KLF12: variants seen among roughly 807,000 people sequenced by gnomAD.
KLF12 encodes KLF transcription factor 12, also known as Krueppel-like factor 12.
Under a neutral mutation model 37.8 loss-of-function variants are expected in KLF12, and 9 were observed. That is an observed-to-expected ratio of 0.24 (90% CI 0.14 to 0.42). The LOEUF (loss-of-function observed/expected upper bound fraction) is 0.42. Ranked by LOEUF, KLF12 falls within the 10% of genes least tolerant of loss-of-function variation. KLF12 has a pLI of 1.00. For synonymous variants in KLF12, 208 were observed against 202.1 expected (o/e 1.03, Z -0.25); for missense variants, 411 against 516.0 (o/e 0.80, Z 1.97).
At chr13:74,105,880 T>C (rs77392289) in intron 1 of KLF12, among the ~76,000 whole-genome samples, 2 of 152,162 alleles carry the variant, frequency 1.3e-5, no homozygotes, top group Non-Finnish European at 2.9e-5. Flanking sequence ...CACACCATGA[T>C]AGTATCAGGA....
At chr13:74,286,625 A>C in the KLF12 span, among the ~76,000 whole-genome samples, 1 of 152,210 alleles carries the variant, frequency 6.6e-6, no homozygotes, top group Admixed American at 6.5e-5. Context: ...CTGATAAAAT[A>C]CAAGCTGACA....
chr13:74,300,957 C>A, the KLF12 span, among the ~76,000 whole-genome samples: 1 of 152,104 alleles, frequency 6.6e-6, no homozygotes, highest in Non-Finnish European at 1.5e-5. Flanking sequence ...CTTCCTGGGA[C>A]ATCCTTTGGC....
At chr13:73,696,297 G>T (rs974473333) in intron 7 of KLF12, among the ~76,000 whole-genome samples, 7 of 152,212 alleles carry the variant, frequency 4.6e-5, no homozygotes, top group Admixed American at 2.6e-4. Flanking sequence ...CATTTTTCAG[G>T]ACTTAAGAAT....
At chr13:74,112,260 G>A (rs1038731028) in intron 1 of KLF12, among the ~76,000 whole-genome samples, 10 of 149,914 alleles carry the variant, frequency 6.7e-5, no homozygotes, top group Non-Finnish European at 1.5e-4. Context: ...TATGTGGCTA[G>A]AAAAGCCTAA....
intron 6 of KLF12, among the ~76,000 whole-genome samples, chr13:73,755,383 A>G (rs1879085851): frequency 6.6e-6 from 1 of 152,212 alleles, no homozygotes; most frequent in Non-Finnish European, 1.5e-5. Context: ...GGTAACATAC[A>G]AGTACATATT....
the KLF12 span, among the ~76,000 whole-genome samples, chr13:74,153,592 C>CT: frequency 2.8e-4 from 42 of 152,184 alleles, no homozygotes; most frequent in Non-Finnish European, 4.6e-4. Flanking sequence ...CCCTCATTGG[C>CT]TTTTACCACA....
chr13:73,735,433 C>T (rs1040739004), intron 6 of KLF12, among the ~76,000 whole-genome samples: 8 of 152,078 alleles, frequency 5.3e-5, no homozygotes, highest in African/African-American at 1.4e-4. Context: ...AGAGGGATTT[C>T]GAGGAAGATG....
intron 5 of KLF12, among the ~76,000 whole-genome samples, chr13:73,803,772 TCACACA>T (rs4053528): frequency 0.093 from 13,250 of 141,902 alleles, 647 homozygotes; most frequent in Non-Finnish European, 0.12. Flanking sequence ...TACTGCAGAG[TCACACA>T]CACACACACA....
intron 4 of KLF12, among the ~76,000 whole-genome samples, chr13:73,832,575 A>G: frequency 6.6e-6 from 1 of 152,238 alleles, no homozygotes; most frequent in Non-Finnish European, 1.5e-5. Flanking sequence ...ACTGGAAACA[A>G]TTCAGACAAA....
chr13:74,059,396 G>A (rs940550734), intron 1 of KLF12, among the ~76,000 whole-genome samples: 10 of 152,196 alleles, frequency 6.6e-5, no homozygotes, highest in Non-Finnish European at 1.0e-4. Context: ...TTGTTCCCAC[G>A]AGCAGTATAC....
At chr13:73,883,231 C>G (rs1379681915) in intron 3 of KLF12, among the ~76,000 whole-genome samples, 1 of 152,098 alleles carries the variant, frequency 6.6e-6, no homozygotes, top group Non-Finnish European at 1.5e-5. Flanking sequence ...GCAATAAACT[C>G]TTTAAAAACA....
At chr13:74,097,389 T>C (rs1876040231) in intron 1 of KLF12, among the ~76,000 whole-genome samples, 1 of 152,220 alleles carries the variant, frequency 6.6e-6, no homozygotes, top group Admixed American at 6.5e-5. Context: ...AAGCTTGCTC[T>C]GACTTTCATA....
intron 2 of KLF12, among the ~76,000 whole-genome samples, chr13:73,967,587 T>C (rs973798498): frequency 6.6e-6 from 1 of 150,448 alleles, no homozygotes; most frequent in Non-Finnish European, 1.5e-5. Context: ...GTACCAAACA[T>C]GTGTCATTTT....
intron 6 of KLF12, among the ~76,000 whole-genome samples, chr13:73,745,332 C>G (rs1878288674): frequency 6.6e-6 from 1 of 152,162 alleles, no homozygotes; most frequent in Admixed American, 6.5e-5. Flanking sequence ...AAAGAGCTCA[C>G]TATGAATGGA....
At chr13:73,777,520 C>G (rs1880685068) in intron 5 of KLF12, among the ~76,000 whole-genome samples, 1 of 151,940 alleles carries the variant, frequency 6.6e-6, no homozygotes, top group Non-Finnish European at 1.5e-5. Flanking sequence ...ACCAGCCTGA[C>G]CAACATGGAG....
chr13:73,914,339 G>T (rs1888710901), intron 3 of KLF12, among the ~76,000 whole-genome samples: 1 of 152,182 alleles, frequency 6.6e-6, no homozygotes, highest in African/African-American at 2.4e-5. Flanking sequence ...TAGGCTTGCT[G>T]CAGGCGTTCA....
intron 1 of KLF12, among the ~76,000 whole-genome samples, chr13:74,039,195 C>A (rs1242039356): frequency 4.6e-5 from 7 of 152,010 alleles, no homozygotes; most frequent in Admixed American, 4.6e-4. Flanking sequence ...CTAATCAGAT[C>A]TTTGGGTTCC....
In KLF12 at chr13:73,871,661, C is replaced by G. The variant is rs74095868; in HGVS notation, c.124-25288G>C. On this transcript the variant is annotated intron_variant, in intron 3 of 7. Transcript: ENST00000377669. ...ATCTCTGAACACAATTTTCTCCCAA[C>G]CACTTTTCCTTCACACCCAACTATT... 1.2e-3 allele frequency among the ~76,000 whole-genome samples: 180 copies of G among 152,264 alleles called. 3 individuals carry two copies. Among genetic ancestry groups the G allele is most frequent in the African/African-American group, 3.9e-3 (163 of 41,546 alleles).
intron 3 of KLF12, among the ~76,000 whole-genome samples, chr13:73,868,727 G>A (rs757005173): frequency 2.0e-5 from 3 of 152,050 alleles, no homozygotes; most frequent in South Asian, 2.1e-4. Context: ...GGTTTATTCC[G>A]ATAAATTTTT....
Sources: gnomAD v4.1 joint callset for allele counts (sites outside exome capture counted in the v4.1 genomes callset) on GRCh38, gnomAD v4.1.1 for gene constraint, MANE v1.5 for transcripts, NCBI Gene and HGNC (gene_info 2026-07-23, HGNC 2026-07-21) for gene names.